Variants in MYO16 observed in about 807,000 individuals in gnomAD.
MYO16 encodes unconventional myosin-XVI.
In MYO16, 94 loss-of-function variants were observed where a neutral mutation model predicts 205.3. The observed-to-expected ratio is 0.46, with a 90% CI of 0.39 to 0.54. The LOEUF is 0.54. Ranked by LOEUF, MYO16 falls within the 20% of genes least tolerant of loss-of-function variation. MYO16 has a pLI of 0.00. For synonymous variants in MYO16, 988 were observed against 954.0 expected (o/e 1.04, Z -0.66); for missense variants, 2,315 against 2,387.5 (o/e 0.97, Z 0.63).
At chr13:109,000,679 G>A (rs1360840328) in intron 21 of MYO16, among the ~76,000 whole-genome samples, 5 of 152,030 alleles carry the variant, frequency 3.3e-5, no homozygotes, top group Admixed American at 2.6e-4. Flanking sequence ...TAAAATAAGA[G>A]CATTTTAACC....
chr13:109,157,210 G>GC (rs1212016380), intron 32 of MYO16, among the ~76,000 whole-genome samples: 1 of 128,274 alleles, frequency 7.8e-6, no homozygotes, highest in African/African-American at 3.0e-5. Flanking sequence ...GGTCCATTCA[G>GC]CTGTATACTT....
intron 28 of MYO16, among the ~76,000 whole-genome samples, chr13:109,114,314 A>G (rs181969263): frequency 8.5e-5 from 13 of 152,316 alleles, no homozygotes; most frequent in Admixed American, 7.2e-4. Flanking sequence ...AACAGAATCT[A>G]CATTTTGACA....
the MYO16 span, among the ~76,000 whole-genome samples, chr13:108,521,096 C>T: frequency 1.3e-5 from 2 of 151,834 alleles, no homozygotes; most frequent in Non-Finnish European, 1.5e-5. Flanking sequence ...GTATATAGGT[C>T]TATTTTGCTA....
chr13:108,838,550 C>T (rs1484190396), intron 9 of MYO16, among the ~76,000 whole-genome samples: 1 of 150,480 alleles, frequency 6.6e-6, no homozygotes, highest in Admixed American at 6.6e-5. Context: ...TGCCTGTAGT[C>T]CCAGCTATTC....
intron 34 of MYO16, among the ~76,000 whole-genome samples, chr13:109,181,506 C>T (rs1008915783): frequency 2.0e-5 from 3 of 152,098 alleles, no homozygotes; most frequent in East Asian, 1.9e-4. Flanking sequence ...AGATTGGGCA[C>T]GTAGCAGTAA....
At chr13:108,622,416 T>C (rs1879578050) in intron 1 of MYO16, among the ~76,000 whole-genome samples, 1 of 152,114 alleles carries the variant, frequency 6.6e-6, no homozygotes, top group African/African-American at 2.4e-5. Context: ...ACAGGATTCA[T>C]ATCCAAGGAA....
intron 23 of MYO16, among the ~76,000 whole-genome samples, chr13:109,036,958 C>T (rs1886736621): frequency 6.6e-6 from 1 of 152,138 alleles, no homozygotes; most frequent in African/African-American, 2.4e-5. Flanking sequence ...CCTGAGTGAC[C>T]CTGGAGAGCC....
At chr13:108,705,457 C>G (rs1031614567) in intron 2 of MYO16, among the ~76,000 whole-genome samples, 3 of 152,106 alleles carry the variant, frequency 2.0e-5, no homozygotes, top group African/African-American at 7.2e-5. Context: ...GAGCAAAATA[C>G]AGTAAGATAT....
intron 27 of MYO16, among the ~76,000 whole-genome samples, chr13:109,087,451 GC>G (rs1888467235): frequency 6.6e-6 from 1 of 152,228 alleles, no homozygotes; most frequent in South Asian, 2.1e-4. Flanking sequence ...TTTGAGACCA[GC>G]CTGGCCAACA....
chr13:108,759,049 A>T (rs750854754), intron 4 of MYO16, among the ~76,000 whole-genome samples: 1 of 152,186 alleles, frequency 6.6e-6, no homozygotes, highest in Non-Finnish European at 1.5e-5. Context: ...ATGAAATCTG[A>T]ACTTTTCAGT....
At chr13:109,088,786 A>G (rs1431423208) in intron 27 of MYO16, among the ~76,000 whole-genome samples, 2 of 152,198 alleles carry the variant, frequency 1.3e-5, no homozygotes, top group African/African-American at 4.8e-5. Context: ...AGACAGAAGC[A>G]CACAGAGGAG....
At chr13:108,620,956 C>G (rs4360813) in intron 1 of MYO16, among the ~76,000 whole-genome samples, 1 of 152,192 alleles carries the variant, frequency 6.6e-6, no homozygotes, top group Non-Finnish European at 1.5e-5. Flanking sequence ...CTACTTACCT[C>G]TCTAACTCAC....
intron 2 of MYO16, among the ~76,000 whole-genome samples, chr13:108,674,708 G>A (rs1882128593): frequency 6.6e-6 from 1 of 152,172 alleles, no homozygotes; most frequent in African/African-American, 2.4e-5. Context: ...TGGATGTGAT[G>A]TATGTTAAGT....
At chr13:108,961,509 A>G (rs1883579782) in intron 17 of MYO16, 30 bp from the exon 18 acceptor site, 1 of 1,556,074 alleles carries the variant, frequency 6.4e-7, no homozygotes, top group Non-Finnish European at 8.9e-7. Flanking sequence ...TAAGCACCCT[A>G]TTCATTCTCT....
chr13:108,968,145 C>A (rs118026733), intron 20 of MYO16, among the ~76,000 whole-genome samples: 1 of 152,328 alleles, frequency 6.6e-6, no homozygotes, highest in Non-Finnish European at 1.5e-5. Context: ...CAGCCTCTCA[C>A]GGCAGTACCT....
At chr13:108,680,263 C>T (rs1351713344) in intron 2 of MYO16, among the ~76,000 whole-genome samples, 1 of 152,228 alleles carries the variant, frequency 6.6e-6, no homozygotes, top group East Asian at 1.9e-4. Context: ...AGTGTAGTTT[C>T]TCACATATTA....
At chr13:108,569,150 T>C in the MYO16 span, among the ~76,000 whole-genome samples, 6 of 152,150 alleles carry the variant, frequency 3.9e-5, no homozygotes, top group Non-Finnish European at 7.4e-5. Context: ...TTTTGATTCC[T>C]TGCATTTTCA....
At chr13:109,017,782 C>T (rs567580952) in intron 22 of MYO16, among the ~76,000 whole-genome samples, 5 of 152,242 alleles carry the variant, frequency 3.3e-5, no homozygotes, top group South Asian at 2.1e-4. Context: ...GCATGCGTCA[C>T]GTAGTTTTCA....
intron 1 of MYO16, among the ~76,000 whole-genome samples, chr13:108,649,953 G>T (rs1880925935): frequency 6.6e-6 from 1 of 152,032 alleles, no homozygotes; most frequent in South Asian, 2.1e-4. Context: ...ACCTAAAAAT[G>T]ACAATAGAGA....
Sources: allele counts gnomAD v4.1 joint callset (sites outside exome capture counted in the v4.1 genomes callset), GRCh38; gene constraint gnomAD v4.1.1; transcripts MANE v1.5; gene names NCBI Gene and HGNC (gene_info 2026-07-23, HGNC 2026-07-21).